The following CERS6 variants were observed in gnomAD, a reference collection of about 807,000 sequenced individuals.
CERS6 encodes the protein LAG1 homolog, ceramide synthase 6.
In CERS6, 26 loss-of-function variants were observed where a neutral mutation model predicts 56.8. The ratio of observed to expected loss-of-function variants is 0.46; its 90% CI spans 0.34 to 0.63. The LOEUF (loss-of-function observed/expected upper bound fraction) is 0.63, where lower values mean the gene tolerates loss of function less well. Ranked by LOEUF, CERS6 falls within the 30% of genes least tolerant of loss-of-function variation. CERS6 has a pLI of 0.01. For missense variants in CERS6, 415 were observed against 467.5 expected, an observed-to-expected ratio of 0.89 and a Z score of 1.04; for synonymous variants, 164 against 173.3, an observed-to-expected ratio of 0.95 and a Z score of 0.42.
chr2:168,571,228 G>C (rs2105388618), intron 3 of CERS6, among the ~76,000 whole-genome samples: 1 of 152,044 alleles, frequency 6.6e-6, no homozygotes, highest in African/African-American at 2.4e-5. Flanking sequence ...ACTTCCCATT[G>C]TTATAGGGGT....
At chr2:168,520,409 G>T (rs1694955536) in intron 1 of CERS6, among the ~76,000 whole-genome samples, 1 of 151,730 alleles carries the variant, frequency 6.6e-6, no homozygotes, top group Non-Finnish European at 1.5e-5. Context: ...AGTTTCTTTT[G>T]CTGTGCAGAA....
chr2:168,705,439 G>T (rs1409785241), intron 6 of CERS6, among the ~76,000 whole-genome samples: 1 of 152,160 alleles, frequency 6.6e-6, no homozygotes, highest in Non-Finnish European at 1.5e-5. Context: ...CAGCTTCCAG[G>T]AAATTCTGCA....
chr2:168,476,968 C>T (rs1694083023), intron 1 of CERS6, among the ~76,000 whole-genome samples: 1 of 152,068 alleles, frequency 6.6e-6, no homozygotes, highest in African/African-American at 2.4e-5. Flanking sequence ...AATTAACCAT[C>T]ACAGGTTGCT....
chr2:168,616,485 A>G (rs1005993689), intron 3 of CERS6, among the ~76,000 whole-genome samples: 5 of 152,240 alleles, frequency 3.3e-5, no homozygotes, highest in African/African-American at 4.8e-5. Flanking sequence ...GCTGCCTTCA[A>G]GAGACTTACC....
rs187901988 is a variant in CERS6 at position 168,686,081 on chromosome 2, A to G, written c.466-4953A>G. ...TCAGACTGCTGTAACAAAATACCGC[A>G]TACTAGATGGCTTGAGCAACGGAAA... On this transcript the variant is annotated intron_variant, in intron 4 of 9. Transcript: ENST00000305747. Among the ~76,000 whole-genome samples, 4 of 145,820 alleles carry G rather than the reference A, an allele frequency of 2.7e-5. No homozygotes were observed. In the East Asian group the frequency reaches 8.1e-4, roughly 30 times the overall value.
chr2:168,667,713 G>A (rs576822569), intron 4 of CERS6, among the ~76,000 whole-genome samples: 81 of 152,210 alleles, frequency 5.3e-4, no homozygotes, highest in Non-Finnish European at 1.0e-3. Flanking sequence ...CAAAAATACA[G>A]GTATCGGGTG....
At chr2:168,485,703 T>A (rs1304231763) in intron 1 of CERS6, among the ~76,000 whole-genome samples, 1 of 152,208 alleles carries the variant, frequency 6.6e-6, no homozygotes, top group African/African-American at 2.4e-5. Context: ...GGCTGAGTAA[T>A]ATTCCACCTT....
intron 3 of CERS6, among the ~76,000 whole-genome samples, chr2:168,621,772 A>G (rs551719296): frequency 1.3e-5 from 2 of 152,366 alleles, no homozygotes; most frequent in Admixed American, 1.3e-4. Context: ...AATCTGTGAA[A>G]TAGAACATAG....
intron 1 of CERS6, among the ~76,000 whole-genome samples, chr2:168,544,094 G>A (rs1041313401): frequency 2.6e-5 from 4 of 152,196 alleles, no homozygotes; most frequent in African/African-American, 4.8e-5. Context: ...CTATGACATC[G>A]TTCAAAGAAA....
Position 168,456,929 on chromosome 2 carries a change from C to T in CERS6, c.170+311C>T, listed in dbSNP as rs1316328967. ...CAGGCGAACAAAGGTGAGCGGTGGT[C>T]GGGCTCAGGACCCGCCGCATTCCGC... is the stretch of plus-strand genomic sequence containing the variant. On this transcript the variant is annotated intron_variant, in intron 1 of 9. Transcript: ENST00000305747. The surrounding 1 kb of genome is among the most constrained non-coding windows in gnomAD (Gnocchi z 4.1). Among the ~76,000 whole-genome samples the T allele has an allele frequency of 6.6e-6, 1 of 152,184 alleles. No homozygotes were observed. Among genetic ancestry groups the T allele is most frequent in the Non-Finnish European group, 1.5e-5 (1 of 68,020 alleles).
At chr2:168,726,357 A>G in intron 8 of CERS6, among the ~76,000 whole-genome samples, 1 of 152,250 alleles carries the variant, frequency 6.6e-6, no homozygotes, top group East Asian at 1.9e-4. Flanking sequence ...AAGGCCATAA[A>G]GCATTTGATG....
At position 168,729,835 on chromosome 2, in the gene CERS6, A is replaced by C. The variant is rs148172608; in HGVS notation, c.845+11857A>C. On this transcript the variant is annotated intron_variant, in intron 8 of 9. Transcript: ENST00000305747. ...AGGCAAGAGAGCAAACACTTCACAA[A>C]TTCCTCATAGATAAAGAATCATTTC... Among the ~76,000 whole-genome samples, 671 of 152,314 alleles carry C rather than the reference A, an allele frequency of 4.4e-3. 3 individuals are homozygous for C. Among genetic ancestry groups the C allele is most frequent in the African/African-American group, 0.015 (632 of 41,580 alleles).
chr2:168,726,133 A>T (rs1683344490), intron 8 of CERS6, among the ~76,000 whole-genome samples: 1 of 152,246 alleles, frequency 6.6e-6, no homozygotes, highest in Admixed American at 6.5e-5. Flanking sequence ...CTCTTTAATT[A>T]TAAATGGTCT....
intron 8 of CERS6, among the ~76,000 whole-genome samples, chr2:168,740,441 G>T (rs1174100757): frequency 6.6e-6 from 1 of 152,156 alleles, no homozygotes. Flanking sequence ...GATGGGAAAG[G>T]CACACATTTC....
At chr2:168,573,780 G>T (rs1414310824) in intron 3 of CERS6, among the ~76,000 whole-genome samples, 1 of 152,120 alleles carries the variant, frequency 6.6e-6, no homozygotes, top group Non-Finnish European at 1.5e-5. Context: ...TAGGTGAGGG[G>T]TTGGAGCAGG....
At chr2:168,759,314 A>G (rs544798776) in intron 8 of CERS6, among the ~76,000 whole-genome samples, 6 of 152,306 alleles carry the variant, frequency 3.9e-5, no homozygotes, top group African/African-American at 1.4e-4. Context: ...TAACCTGTAG[A>G]TCAAGTGTTT....
chr2:168,565,487 C>T (rs1010784244), intron 3 of CERS6, among the ~76,000 whole-genome samples: 4 of 152,074 alleles, frequency 2.6e-5, no homozygotes, highest in African/African-American at 9.7e-5. Flanking sequence ...GAGCTCGTTG[C>T]CTGAGGGTCA....
intron 1 of CERS6, among the ~76,000 whole-genome samples, chr2:168,545,505 T>C (rs1024982105): frequency 1.1e-4 from 16 of 150,748 alleles, no homozygotes; most frequent in African/African-American, 3.7e-4. Context: ...AAAAATTTTT[T>C]TTGATTTTTT....
At chr2:168,765,299 T>C (rs1684698733) in intron 8 of CERS6, among the ~76,000 whole-genome samples, 1 of 152,224 alleles carries the variant, frequency 6.6e-6, no homozygotes. Context: ...CAGTGAACCG[T>C]ACACTTAAAA....
Sources: gnomAD v4.1 joint callset for allele counts (sites outside exome capture counted in the v4.1 genomes callset) on GRCh38, gnomAD v4.1.1 for gene constraint, Gnocchi (gnomAD v3.1) non-coding constraint, MANE v1.5 for transcripts, NCBI Gene and HGNC (gene_info 2026-07-23, HGNC 2026-07-21) for gene names.